KIF1A: variants seen among roughly 807,000 people sequenced by gnomAD.
KIF1A encodes kinesin-like protein KIF1A.
In KIF1A, 46 loss-of-function variants were observed where a neutral mutation model predicts 227.3. The observed-to-expected ratio is 0.20, with a 90% CI of 0.16 to 0.26. The LOEUF is 0.26. Ranked by LOEUF, KIF1A falls within the 10% of genes least tolerant of loss-of-function variation. The pLI is 1.00. For synonymous variants in KIF1A, 1,022 were observed against 1,012.8 expected (o/e 1.01, Z -0.17); for missense variants, 1,683 against 2,485.9 (o/e 0.68, Z 6.87).
At chr2:240,774,391 A>ACCCCCCCCCCCCCCCCC (rs570956380) in intron 11 of KIF1A, 130 bp from the exon 12 acceptor site, 1 of 253,672 alleles carries the variant, frequency 3.9e-6, no homozygotes, top group African/African-American at 4.0e-5. Flanking sequence ...TCACAGGCTT[A>ACCCCCCCCCCCCCCCCC]CCCCCCCCCC....
In KIF1A at chr2:240,717,334, G is replaced by A. The variant is rs1180271087; in HGVS notation, c.*30C>T. The A allele has an allele frequency of 6.2e-7, 1 of 1,603,402 alleles. No individual in the cohort carries two copies. The highest frequency in any genetic ancestry group is 2.2e-5 in the East Asian group (1 of 44,816). ...GAGGATGAGGGAGGGGATGGGCTGG[G>A]CCTGCCGGCTGTCACGGGAGGGCTC... On this transcript the variant is annotated 3_prime_UTR_variant, in exon 49 of 49. Coordinates refer to ENST00000498729, the MANE Select transcript of KIF1A (RefSeq NM_001244008.2).
intron 14 of KIF1A, among the ~76,000 whole-genome samples, chr2:240,771,797 C>A (rs541011260): frequency 6.6e-6 from 1 of 152,234 alleles, no homozygotes; most frequent in Admixed American, 6.5e-5. Flanking sequence ...GGAGGCCCTT[C>A]CCCTCCACCA....
intron 2 of KIF1A, among the ~76,000 whole-genome samples, chr2:240,796,667 G>A (rs2056434182): frequency 6.6e-6 from 1 of 152,148 alleles, no homozygotes; most frequent in African/African-American, 2.4e-5. Context: ...CTGGAGTTTA[G>A]CAGGGTCTCC....
intron 1 of KIF1A, among the ~76,000 whole-genome samples, chr2:240,799,102 C>A (rs899037236): frequency 6.6e-6 from 1 of 152,238 alleles, no homozygotes; most frequent in African/African-American, 2.4e-5. Flanking sequence ...AGGGACAAGC[C>A]CCTCTGGGCT....
chr2:240,819,387 T>C lies in KIF1A; in HGVS notation c.-61+735A>G, dbSNP rs577694504. On this transcript the variant is annotated intron_variant, in intron 1 of 48. Transcript: ENST00000498729. ...CTGGCTGCTGAGACGCAGGCAGTGC[T>C]CGCCGGCGGCCCCTCCCAGGTGCTG... 1.3e-3 allele frequency among the ~76,000 whole-genome samples: 201 copies of C among 151,968 alleles called. 1 individual carries two copies. The East Asian group carries it at 0.028, about 21-fold the overall frequency.
chr2:240,799,419 G>A (rs562290782), intron 1 of KIF1A, among the ~76,000 whole-genome samples: 1 of 152,324 alleles, frequency 6.6e-6, no homozygotes, highest in Admixed American at 6.5e-5. Context: ...ACAGGGGAGG[G>A]GGATGTGCCA....
intron 34 of KIF1A, 111 bp downstream of exon 34, chr2:240,742,818 G>C: frequency 1.0e-6 from 1 of 992,876 alleles, no homozygotes; most frequent in Admixed American, 2.1e-5. Flanking sequence ...GTGCCTGGGA[G>C]GGCACAGCCC....
At chr2:240,761,445 T>C in intron 23 of KIF1A, 68 bp from the exon 24 acceptor site, 1 of 1,451,514 alleles carries the variant, frequency 6.9e-7, no homozygotes, top group South Asian at 1.5e-5. Flanking sequence ...CCCCGCCCTC[T>C]GGAAGGTCAG....
At chr2:240,770,699 G>T (rs2051841649) in intron 15 of KIF1A, among the ~76,000 whole-genome samples, 1 of 152,220 alleles carries the variant, frequency 6.6e-6, no homozygotes, top group Non-Finnish European at 1.5e-5. Context: ...CCAGGTCTAG[G>T]GTCCTGCAGG....
intron 1 of KIF1A, among the ~76,000 whole-genome samples, chr2:240,808,673 T>C (rs554231560): frequency 2.5e-4 from 38 of 151,686 alleles, no homozygotes; most frequent in African/African-American, 8.7e-4. Context: ...ATCTTCTCTC[T>C]AAAAAATAAA....
At position 240,752,398 on chromosome 2, in the gene KIF1A, C is replaced by T. The variant is rs377276971; in HGVS notation, c.2859-1851G>A. Among the ~76,000 whole-genome samples the T allele has an allele frequency of 4.6e-5, 7 of 152,214 alleles. No homozygotes were observed. In the East Asian group the frequency reaches 5.8e-4, roughly 13 times the overall value. The stretch of plus-strand genomic sequence containing the variant: ...CTCCCCACAGTCCTGCTGGGTGCTC[C>T]GCAGGCAGGGACTCACCAGCATCCC... On this transcript the variant is annotated intron_variant, in intron 27 of 48. Coordinates refer to ENST00000498729, the MANE Select transcript of KIF1A (RefSeq NM_001244008.2). The surrounding 1 kb of genome is among the most constrained non-coding windows in gnomAD (Gnocchi z 6.4).
At position 240,766,722 on chromosome 2, in the gene KIF1A, A is replaced by ATCTCTCTC. The variant is rs67736580; in HGVS notation, c.1684+185_1684+192dup. 5.4e-4 allele frequency among the ~76,000 whole-genome samples: 66 copies of ATCTCTCTC among 122,686 alleles called. No homozygotes were observed. The highest frequency in any genetic ancestry group is 1.5e-3 in the African/African-American group (44 of 28,404). The allele number at this position is 122,686 out of a possible 152,430, so 80.5% of individuals were successfully genotyped here. Reference sequence around the variant, plus strand: ...CCCAAATATCTCTCTCTCTCTCCAAATCTCTCTCTCTCTCTCTCTCTCTCT... The same window carrying ATCTCTCTC: ...CCCAAATATCTCTCTCTCTCTCCAAATCTCTCTCTCTCTCTCTCTCTCTCTCTCTCTCT... On this transcript the variant is annotated intron_variant, in intron 19 of 48. Coordinates refer to ENST00000498729, the MANE Select transcript of KIF1A (RefSeq NM_001244008.2). The surrounding 1 kb of genome is among the most constrained non-coding windows in gnomAD (Gnocchi z 5.0).
rs1381202007 is a variant in KIF1A at position 240,726,796 on chromosome 2, T to C, written c.4122+30A>G. The C allele has an allele frequency of 7.2e-7, 1 of 1,393,666 alleles. No individual in the cohort carries two copies. The highest frequency in any genetic ancestry group is 1.2e-5 in the South Asian group (1 of 83,012). The allele number at this position is 1,393,666 out of a possible 1,614,324, so 86.3% of individuals were successfully genotyped here. A position where few individuals can be genotyped will look rare whatever the true frequency, so the allele number is the denominator to read the frequency against. On this transcript the variant is annotated intron_variant, in intron 39 of 48. Transcript: ENST00000498729. This position sits in a 1 kb window ranked among gnomAD's most constrained non-coding sequence, Gnocchi z 5.2. ...TCAAGCTTCAGGGGCTGAGTGGTTT[T>C]GGTGGAGTGCCCTGGCATAGGTGCC...
intron 1 of KIF1A, among the ~76,000 whole-genome samples, chr2:240,805,006 A>AGAAGGAAAGG (rs1436703072): frequency 6.9e-6 from 1 of 144,780 alleles, no homozygotes; most frequent in African/African-American, 2.5e-5. Context: ...AGAGGAGAGA[A>AGAAGGAAAGG]GAAGGAAAGG....
At chr2:240,779,480 T>G (rs534264433) in intron 10 of KIF1A, among the ~76,000 whole-genome samples, 1 of 145,080 alleles carries the variant, frequency 6.9e-6, no homozygotes, top group African/African-American at 2.7e-5. Flanking sequence ...CCTCACTCAG[T>G]TCCTCACTCA....
chr2:240,765,941 T>C, intron 19 of KIF1A, 148 bp from the exon 20 acceptor site: 2 of 645,612 alleles, frequency 3.1e-6, no homozygotes, highest in East Asian at 2.7e-5. Context: ...TTGGCAACAC[T>C]CATTTGGGCC....
intron 10 of KIF1A, among the ~76,000 whole-genome samples, chr2:240,780,842 ACAGCTC>A (rs1438476039): frequency 3.1e-4 from 30 of 96,760 alleles, no homozygotes; most frequent in East Asian, 2.5e-3. Context: ...ACACACACAC[ACAGCTC>A]CACACACACA....
At position 240,757,344 on chromosome 2, in the gene KIF1A, G is replaced by T; in HGVS notation, c.2833C>A (p.Pro945Thr). Reference protein sequence around the residue: ...CDGRDPFYDRPPLFSLVGRAF... With the variant: ...CDGRDPFYDRTPLFSLVGRAF... ...CTTCCTACTAAACTGAACAGGGGGG[G>T]CCGGTCGTAAAACGGGTCCCGGCCG... The change falls in exon 27 of 49, where the codon CCC becomes ACC. Residue 945 changes from proline (P) to threonine (T), a missense_variant. Physicochemically the swap from Pro to Thr is conservative, Grantham distance 38 (BLOSUM62 -1). Coordinates refer to ENST00000498729, the MANE Select transcript of KIF1A (RefSeq NM_001244008.2). This position sits in a 1 kb window ranked among gnomAD's most constrained non-coding sequence, Gnocchi z 6.2. The T allele has an allele frequency of 6.4e-7, 1 of 1,550,686 alleles. No homozygotes were observed. The highest frequency in any genetic ancestry group is 8.7e-7 in the Non-Finnish European group (1 of 1,147,044).
intron 2 of KIF1A, among the ~76,000 whole-genome samples, chr2:240,794,272 C>G (rs1050325384): frequency 6.6e-6 from 1 of 152,246 alleles, no homozygotes; most frequent in Non-Finnish European, 1.5e-5. Context: ...CTTCCAAAAC[C>G]ACCACTGGTT....
Sources: allele counts gnomAD v4.1 joint callset (sites outside exome capture counted in the v4.1 genomes callset), GRCh38; gene constraint gnomAD v4.1.1; non-coding constraint Gnocchi (gnomAD v3.1); transcripts MANE v1.5; gene names NCBI Gene and HGNC (gene_info 2026-07-23, HGNC 2026-07-21).